DLGAP2: variants seen among roughly 807,000 people sequenced by gnomAD.
DLGAP2 encodes the protein DLG associated protein 2.
In DLGAP2, 26 loss-of-function variants were observed where a neutral mutation model predicts 100.3. That is an observed-to-expected ratio of 0.26 (90% CI 0.19 to 0.36). The LOEUF (loss-of-function observed/expected upper bound fraction) is 0.36, where lower values mean the gene tolerates loss of function less well. Among genes scored for constraint, DLGAP2 ranks in the 10% least tolerant of loss-of-function variants. DLGAP2 has a pLI of 1.00. For synonymous variants in DLGAP2, 886 were observed against 630.1 expected (o/e 1.41, Z -6.08); for missense variants, 1,858 against 1,453.2 (o/e 1.28, Z -4.53).
chr8:962,427 G>C (rs1799747552), intron 2 of DLGAP2, among the ~76,000 whole-genome samples: 1 of 152,182 alleles, frequency 6.6e-6, no homozygotes, highest in African/African-American at 2.4e-5. Context: ...CTTGCCTTTG[G>C]AGTCAGTGTC....
chr8:1,260,403 T>C (rs1356996416), intron 3 of DLGAP2, among the ~76,000 whole-genome samples: 1 of 152,196 alleles, frequency 6.6e-6, no homozygotes, highest in Non-Finnish European at 1.5e-5. Flanking sequence ...TTCGTCTACT[T>C]GTTTCTAATA....
chr8:1,302,336 T>C (rs1175560730), intron 3 of DLGAP2: 2 of 101,994 alleles, frequency 2.0e-5, no homozygotes, highest in South Asian at 3.6e-4. Flanking sequence ...GCTCCACACC[T>C]GGGACCGGAC....
chr8:816,589 C>A (rs180923005), intron 1 of DLGAP2, among the ~76,000 whole-genome samples: 1 of 152,246 alleles, frequency 6.6e-6, no homozygotes, highest in African/African-American at 2.4e-5. Context: ...GCTGAGAAAT[C>A]TGTTAATCTG....
chr8:1,383,801 C>T (rs889331497), intron 3 of DLGAP2, among the ~76,000 whole-genome samples: 30 of 152,178 alleles, frequency 2.0e-4, no homozygotes, highest in Non-Finnish European at 7.3e-5. Context: ...GTCAGATGAC[C>T]ACCAGCAGCT....
At chr8:842,648 G>C (rs887411205) in intron 1 of DLGAP2, among the ~76,000 whole-genome samples, 3 of 151,978 alleles carry the variant, frequency 2.0e-5, no homozygotes, top group African/African-American at 4.8e-5. Flanking sequence ...CTCTTCTGCT[G>C]CTCTGATTTT....
chr8:1,037,267 G>C (rs1294609217), intron 2 of DLGAP2, among the ~76,000 whole-genome samples: 1 of 152,114 alleles, frequency 6.6e-6, no homozygotes, highest in Non-Finnish European at 1.5e-5. Context: ...TTCTCTCTCT[G>C]TTATCACCTG....
chr8:1,365,999 C>T (rs1015229801), intron 3 of DLGAP2, among the ~76,000 whole-genome samples: 8 of 152,238 alleles, frequency 5.3e-5, no homozygotes, highest in Non-Finnish European at 1.0e-4. Flanking sequence ...CCTCCCCTCA[C>T]GGCACCGTCC....
At chr8:864,611 C>T (rs1797455838) in intron 1 of DLGAP2, among the ~76,000 whole-genome samples, 1 of 152,142 alleles carries the variant, frequency 6.6e-6, no homozygotes, top group Non-Finnish European at 1.5e-5. Context: ...TAATTCACTT[C>T]CGCTCAAATG....
chr8:1,211,255 A>G (rs1798098933), intron 2 of DLGAP2, among the ~76,000 whole-genome samples: 1 of 152,210 alleles, frequency 6.6e-6, no homozygotes, highest in African/African-American at 2.4e-5. Flanking sequence ...ACCTTCCTTG[A>G]TGGCAAACAC....
chr8:1,254,929 G>GTGTCTTCTCC (rs1799140741), intron 2 of DLGAP2, among the ~76,000 whole-genome samples: 2 of 149,656 alleles, frequency 1.3e-5, no homozygotes, highest in Admixed American at 6.7e-5. Flanking sequence ...TGCTGTGTGT[G>GTGTCTTCTCC]TGCCCTCTCC....
At chr8:990,283 T>C (rs562102038) in intron 2 of DLGAP2, among the ~76,000 whole-genome samples, 7 of 152,058 alleles carry the variant, frequency 4.6e-5, no homozygotes, top group Non-Finnish European at 8.8e-5. Flanking sequence ...GAATCGACCT[T>C]CTGAAGTTTT....
At chr8:1,328,282 C>T (rs1801069081) in intron 3 of DLGAP2, among the ~76,000 whole-genome samples, 1 of 149,340 alleles carries the variant, frequency 6.7e-6, no homozygotes, top group Admixed American at 6.7e-5. Context: ...CCTCGTGATC[C>T]ACCCACTTCA....
At chr8:1,215,370 G>A (rs1040659628) in intron 2 of DLGAP2, among the ~76,000 whole-genome samples, 5 of 152,194 alleles carry the variant, frequency 3.3e-5, no homozygotes, top group Admixed American at 2.6e-4. Flanking sequence ...AAAGCTAATC[G>A]TGCAGGTTGA....
chr8:823,631 C>T (rs574002819), intron 1 of DLGAP2, among the ~76,000 whole-genome samples: 1 of 152,194 alleles, frequency 6.6e-6, no homozygotes, highest in South Asian at 2.1e-4. Context: ...ACACGCACCC[C>T]AGCAGGGATG....
intron 1 of DLGAP2, among the ~76,000 whole-genome samples, chr8:865,590 C>T (rs531898719): frequency 3.5e-4 from 53 of 152,292 alleles, no homozygotes; most frequent in African/African-American, 1.3e-3. Context: ...CCAAATTGCT[C>T]ACCTCTCTCC....
chr8:1,423,291 C>T (rs566598540), intron 3 of DLGAP2, among the ~76,000 whole-genome samples: 1 of 152,188 alleles, frequency 6.6e-6, no homozygotes, highest in South Asian at 2.1e-4. Flanking sequence ...CCCAGGCCTG[C>T]TCAGTCCATG....
At chr8:800,247 T>A (rs1032723574) in intron 1 of DLGAP2, among the ~76,000 whole-genome samples, 1 of 152,136 alleles carries the variant, frequency 6.6e-6, no homozygotes. Context: ...TGTTCCCTGG[T>A]GGTTTGAGAG....
At chr8:946,762 A>G (rs1447842435) in intron 2 of DLGAP2, among the ~76,000 whole-genome samples, 3 of 152,190 alleles carry the variant, frequency 2.0e-5, no homozygotes, top group Non-Finnish European at 4.4e-5. Context: ...AGAATTCTCT[A>G]TGAACTCTGT....
intron 3 of DLGAP2, among the ~76,000 whole-genome samples, chr8:1,413,374 A>G (rs1796789347): frequency 6.6e-6 from 1 of 152,236 alleles, no homozygotes; most frequent in Non-Finnish European, 1.5e-5. Flanking sequence ...TGAACAACCT[A>G]TTGAAGAAAG....
Sources: gnomAD v4.1 joint callset for allele counts (sites outside exome capture counted in the v4.1 genomes callset) on GRCh38, gnomAD v4.1.1 for gene constraint, MANE v1.5 for transcripts, NCBI Gene and HGNC (gene_info 2026-07-23, HGNC 2026-07-21) for gene names.